The following FBXL15 variants were observed in gnomAD, a reference collection of about 807,000 sequenced individuals.
FBXL15 encodes F-box and leucine rich repeat protein 15.
FBXL15 carries 19 observed loss-of-function variants against 23.6 expected under a neutral mutation model. The ratio of observed to expected loss-of-function variants is 0.81; its 90% CI spans 0.56 to 1.18. FBXL15 has a LOEUF of 1.18. Ranked by LOEUF, FBXL15 falls within the 50% of genes most tolerant of loss-of-function variation. The pLI, the probability that FBXL15 is intolerant of heterozygous loss-of-function variation, is 0.00. For synonymous variants in FBXL15, 224 were observed against 207.7 expected (o/e 1.08, Z -0.67); for missense variants, 385 against 425.4 (o/e 0.91, Z 0.83).
Position 102,421,446 on chromosome 10 carries a change from G to A in FBXL15, c.146G>A (p.Arg49Gln). 6.5e-7 allele frequency: 1 copy of A among 1,540,550 alleles called. No homozygotes were observed. Among genetic ancestry groups the A allele is most frequent in the Non-Finnish European group, 8.7e-7 (1 of 1,145,764 alleles). ...RQLLRLQRVS[R>Q]AFRSLVQLHL... ...CTGCTCCGGCTGCAGCGCGTTAGCCGGGCCTTCCGGTCGCTGGTGCAGCTT... is the reference window on the plus strand; with the variant it reads ...CTGCTCCGGCTGCAGCGCGTTAGCCAGGCCTTCCGGTCGCTGGTGCAGCTT... The change falls in exon 2 of 4, where the codon CGG becomes CAG. Residue 49 changes from arginine (R) to glutamine (Q), a missense_variant. Coordinates refer to ENST00000369956, the MANE Select transcript of FBXL15 (RefSeq NM_024326.4).
At position 102,422,239 on chromosome 10, in the gene FBXL15, ACTC is replaced by A; in HGVS notation, c.662_664del (p.Leu221del). 2.0e-6 allele frequency: 3 copies of A among 1,512,856 alleles called. No individual in the cohort carries two copies. The highest frequency in any genetic ancestry group is 2.7e-6 in the Non-Finnish European group (3 of 1,130,250). 93.7% of individuals were successfully genotyped at this position (1,512,856 alleles called of 1,614,324 possible). On this transcript the variant is annotated inframe_deletion, in exon 3 of 4. Coordinates refer to ENST00000369956, the MANE Select transcript of FBXL15 (RefSeq NM_024326.4). ...AAGAGTTGGCTCGGAACTGCCCAGA[ACTC>A]CACCACCTTGACCTCACCGGCTGCC...
chr10:102,422,611 C>T (rs927046642), intron 3 of FBXL15, among the ~76,000 whole-genome samples, 193 bp from the exon 4 acceptor site: 2 of 152,222 alleles, frequency 1.3e-5, no homozygotes, highest in African/African-American at 4.8e-5. Context: ...GACAGGAAGT[C>T]TCCAGCTCAC....
Position 102,421,475 on chromosome 10 carries a change from C to T in FBXL15, c.175C>T (p.Leu59=), listed in dbSNP as rs925774076. The change falls in exon 2 of 4, where the codon CTG becomes TTG. Residue 59 remains leucine (L), a synonymous_variant. Transcript: ENST00000369956. ...RAFRSLVQLH[L]AGLRRFDAAQ... ...CTTCCGGTCGCTGGTGCAGCTTCAC[C>T]TGGCCGGGCTGCGTCGCTTCGATGC... 3.3e-6 allele frequency: 5 copies of T among 1,501,450 alleles called. No individual in the cohort carries two copies. In the African/African-American group the frequency reaches 7.0e-5, roughly 21 times the overall value. 93.0% of individuals were successfully genotyped at this position (1,501,450 alleles called of 1,614,324 possible).
At position 102,421,994 on chromosome 10, in the gene FBXL15, T is replaced by C. The variant is rs1173981703; in HGVS notation, c.415T>C (p.Cys139Arg). 1 of 1,594,674 alleles carries C rather than the reference T, an allele frequency of 6.3e-7. No homozygotes were observed. The highest frequency in any genetic ancestry group is 1.1e-5 in the South Asian group (1 of 90,016). The change falls in exon 3 of 4, where the codon TGC becomes CGC. Residue 139 changes from cysteine to arginine, a missense_variant. Coordinates refer to ENST00000369956, the MANE Select transcript of FBXL15 (RefSeq NM_024326.4). ...GGCGCTTGGGGCTTTGGCCGAGGGC[T>C]GCCCACGCCTGCAGCGCCTGTCGCT... ...RRALGALAEG[C>R]PRLQRLSLAH...
Position 102,421,384 on chromosome 10 carries a change from G to T in FBXL15, c.84G>T (p.Leu28=). The change falls in exon 2 of 4, where the codon CTG becomes CTT. Residue 28 remains leucine, a synonymous_variant. Transcript: ENST00000369956. The part of the protein sequence containing the change: ...RFLDLPWEDV[L]LPHVLNRVPL... Reference sequence around the variant, plus strand: ...TGGACCTGCCCTGGGAAGACGTGCTGCTCCCACACGTCCTGAACCGGGTCC... The same window carrying T: ...TGGACCTGCCCTGGGAAGACGTGCTTCTCCCACACGTCCTGAACCGGGTCC... 6.4e-7 allele frequency: 1 copy of T among 1,569,062 alleles called. No individual in the cohort carries two copies.
At position 102,423,061 on chromosome 10, in the gene FBXL15, G is replaced by T; in HGVS notation, c.*68G>T. The stretch of plus-strand genomic sequence containing the variant: ...CCTGACACTGAGCTGTAGGGAAACT[G>T]AACTGTGAGGACCTCTGGTGAGAGG... On this transcript the variant is annotated 3_prime_UTR_variant, in exon 4 of 4. Transcript: ENST00000369956. The surrounding 1 kb of genome is among the most constrained non-coding windows in gnomAD (Gnocchi z 5.6). 2.1e-6 allele frequency: 3 copies of T among 1,438,652 alleles called. No individual in the cohort carries two copies. The highest frequency in any genetic ancestry group is 1.4e-5 in the South Asian group (1 of 71,054). The allele number at this position is 1,438,652 out of a possible 1,614,324, so 89.1% of individuals were successfully genotyped here. A position where few individuals can be genotyped will look rare whatever the true frequency, so the allele number is the denominator to read the frequency against.
At chr10:102,421,722 AG>A in intron 2 of FBXL15, 64 bp from the exon 3 acceptor site, 7 of 1,499,656 alleles carry the variant, frequency 4.7e-6, no homozygotes, top group Non-Finnish European at 5.3e-6. Flanking sequence ...AACTCAGGTC[AG>A]GGGTGCATAG....
chr10:102,421,882 G>A lies in FBXL15; in HGVS notation c.303G>A (p.Leu101=), dbSNP rs758049473. 47 of 1,605,484 alleles carry A rather than the reference G, an allele frequency of 2.9e-5. No homozygotes were observed. Among genetic ancestry groups the A allele is most frequent in the Non-Finnish European group, 3.3e-5 (39 of 1,179,106 alleles). ...ELALAPCHEW[L]SDEDLVPVLA... Reference sequence around the variant, plus strand: ...CACTGGCGCCGTGTCACGAATGGCTGTCAGACGAGGACCTGGTGCCGGTGC... The same window carrying A: ...CACTGGCGCCGTGTCACGAATGGCTATCAGACGAGGACCTGGTGCCGGTGC... The change falls in exon 3 of 4, where the codon CTG becomes CTA. Residue 101 remains leucine, a synonymous_variant. Coordinates refer to ENST00000369956, the MANE Select transcript of FBXL15 (RefSeq NM_024326.4).
Position 102,422,119 on chromosome 10 carries a change from G to A in FBXL15, c.540G>A (p.Lys180=). The change falls in exon 3 of 4, where the codon AAG becomes AAA. Residue 180 remains lysine (K), a synonymous_variant. Transcript: ENST00000369956. The part of the protein sequence containing the change: ...ELDLTACRQL[K]DEAIVYLAQR... ...ATCTCACCGCCTGCCGCCAGCTCAA[G>A]GACGAGGCCATCGTGTACCTGGCGC... 1.1e-5 allele frequency: 17 copies of A among 1,561,588 alleles called. No homozygotes were observed. Among genetic ancestry groups the A allele is most frequent in the Non-Finnish European group, 1.4e-5 (16 of 1,154,306 alleles).
chr10:102,421,157 G>A lies in FBXL15; in HGVS notation c.28G>A (p.Gly10Arg), dbSNP rs1263406962. 3.1e-6 allele frequency: 5 copies of A among 1,611,386 alleles called. No individual in the cohort carries two copies. The highest frequency in any genetic ancestry group is 1.3e-5 in the African/African-American group (1 of 74,908). MEPPMEPSGGEQEPGAVRFL... is the reference protein window; with the variant it reads MEPPMEPSGREQEPGAVRFL... Reference sequence around the variant, plus strand: ...GGAGCCACCGATGGAGCCGTCCGGAGGGGAGCAAGAGCCCGGAGCCGTCAG... The same window carrying A: ...GGAGCCACCGATGGAGCCGTCCGGAAGGGAGCAAGAGCCCGGAGCCGTCAG... Residue 10 changes from glycine (G) to arginine (R), a missense_variant, in exon 1 of 4, where the codon GGG (glycine) becomes AGG (arginine). Coordinates refer to ENST00000369956, the MANE Select transcript of FBXL15 (RefSeq NM_024326.4).
chr10:102,423,039 G>T lies in FBXL15; in HGVS notation c.*46G>T. 1 of 1,485,106 alleles carries T rather than the reference G, an allele frequency of 6.7e-7. No individual in the cohort carries two copies. Among genetic ancestry groups the T allele is most frequent in the South Asian group, 1.3e-5 (1 of 74,666 alleles). The allele number at this position is 1,485,106 out of a possible 1,614,324, so 92.0% of individuals were successfully genotyped here. A position where few individuals can be genotyped will look rare whatever the true frequency, so the allele number is the denominator to read the frequency against. ...CAGCTGGACTGTGTGGCTGGGGCCTGACACTGAGCTGTAGGGAAACTGAAC... is the reference window on the plus strand; with the variant it reads ...CAGCTGGACTGTGTGGCTGGGGCCTTACACTGAGCTGTAGGGAAACTGAAC... On this transcript the variant is annotated 3_prime_UTR_variant, in exon 4 of 4. Coordinates refer to ENST00000369956, the MANE Select transcript of FBXL15 (RefSeq NM_024326.4). This position sits in a 1 kb window ranked among gnomAD's most constrained non-coding sequence, Gnocchi z 5.6.
At chr10:102,422,377 C>T in intron 3 of FBXL15, 85 bp downstream of exon 3, 1 of 1,382,680 alleles carries the variant, frequency 7.2e-7, no homozygotes, top group Non-Finnish European at 9.4e-7. Flanking sequence ...AAAGGCCGGA[C>T]TGAGGGTTCT....
rs2061555541 is a variant in FBXL15 at position 102,421,176 on chromosome 10, C to A, written c.47C>A (p.Ala16Asp). The change falls in exon 1 of 4, where the codon GCC (alanine) becomes GAC (aspartate). Residue 16 changes from alanine to aspartate, a missense_variant. By Grantham distance (126) the Ala-to-Asp change is moderately radical. Coordinates refer to ENST00000369956, the MANE Select transcript of FBXL15 (RefSeq NM_024326.4). ...EPSGGEQEPGAVRFLDLPWED... is the reference protein window; with the variant it reads ...EPSGGEQEPGDVRFLDLPWED... ...TCCGGAGGGGAGCAAGAGCCCGGAG[C>A]CGTCAGGTACCGAGCACCGGAGGGG... is the stretch of plus-strand genomic sequence containing the variant. 4.3e-6 allele frequency: 7 copies of A among 1,609,866 alleles called. No individual in the cohort carries two copies. Among genetic ancestry groups the A allele is most frequent in the African/African-American group, 1.3e-5 (1 of 74,878 alleles).
Position 102,421,073 on chromosome 10 carries a change from CG to C in FBXL15, c.-55del. 1.3e-6 allele frequency: 2 copies of C among 1,567,166 alleles called. No individual in the cohort carries two copies. Among genetic ancestry groups the C allele is most frequent in the Non-Finnish European group, 1.7e-6 (2 of 1,155,236 alleles). The stretch of plus-strand genomic sequence containing the variant: ...ACAGGCCAAGGAGGCGGGTTTGGTG[CG>C]GCCACTCCAAGGCCAAAGCGAGAAA... On this transcript the variant is annotated 5_prime_UTR_variant, in exon 1 of 4. Coordinates refer to ENST00000369956, the MANE Select transcript of FBXL15 (RefSeq NM_024326.4).
In FBXL15 at chr10:102,422,306, A is replaced by G; in HGVS notation, c.713+14A>G. 2.7e-6 allele frequency: 4 copies of G among 1,493,184 alleles called. No individual in the cohort carries two copies. Among genetic ancestry groups the G allele is most frequent in the South Asian group, 2.8e-5 (2 of 71,914 alleles). The allele number at this position is 1,493,184 out of a possible 1,614,324, so 92.5% of individuals were successfully genotyped here. On this transcript the variant is annotated intron_variant, in intron 3 of 3. Transcript: ENST00000369956. ...CGACGGTGTCAGGTGCCTGGGCCTG[A>G]TAGGGCGGGAGGAGGGCAGTCACTT... is the stretch of plus-strand genomic sequence containing the variant.
chr10:102,422,718 G>A (rs112459679), intron 3 of FBXL15, 86 bp from the exon 4 acceptor site: 1 of 1,410,986 alleles, frequency 7.1e-7, no homozygotes, highest in Non-Finnish European at 9.5e-7. Flanking sequence ...GAGCCAGTCC[G>A]AGGCTGAGTG....
Position 102,421,143 on chromosome 10 carries a change from T to A in FBXL15, c.14T>A (p.Met5Lys), listed in dbSNP as rs774387564. The change falls in exon 1 of 4, where the codon ATG becomes AAG. Residue 5 changes from methionine to lysine, a missense_variant. This residue lies in a region of FBXL15 where 130 missense variants were observed against 95.1 expected (regional missense o/e 1.37). Transcript: ENST00000369956. MEPP[M>K]EPSGGEQEPG... ...AATAGACAGCCGATGGAGCCACCGA[T>A]GGAGCCGTCCGGAGGGGAGCAAGAG... 6.2e-7 allele frequency: 1 copy of A among 1,611,082 alleles called. No individual in the cohort carries two copies. Among genetic ancestry groups the A allele is most frequent in the South Asian group, 1.1e-5 (1 of 90,452 alleles).
chr10:102,421,965 G>T lies in FBXL15; in HGVS notation c.386G>T (p.Arg129Leu). ...VALGGCGQLS[R>L]RALGALAEGC... is the part of the protein sequence containing the mutation. Reference sequence around the variant, plus strand: ...TTGGGCGGCTGCGGGCAACTGAGTCGCCGGGCGCTTGGGGCTTTGGCCGAG... The same window carrying T: ...TTGGGCGGCTGCGGGCAACTGAGTCTCCGGGCGCTTGGGGCTTTGGCCGAG... Residue 129 changes from arginine (R) to leucine (L), a missense_variant, in exon 3 of 4, where the codon CGC becomes CTC. Arg to Leu is a moderately radical substitution (Grantham distance 102). This residue lies in a region of FBXL15 where 255 missense variants were observed against 330.2 expected (regional missense o/e 0.77). Transcript: ENST00000369956. 6.3e-7 allele frequency: 1 copy of T among 1,598,764 alleles called. No individual in the cohort carries two copies. Among genetic ancestry groups the T allele is most frequent in the Non-Finnish European group, 8.5e-7 (1 of 1,177,998 alleles).
rs757757437 is a variant in FBXL15, at chr10:102,421,460, C to T, written c.160C>T (p.Leu54=). The change falls in exon 2 of 4, where the codon CTG becomes TTG. Residue 54 remains leucine (L), a synonymous_variant. Transcript: ENST00000369956. ...LQRVSRAFRS[L]VQLHLAGLRR... Reference sequence around the variant, plus strand: ...GCGCGTTAGCCGGGCCTTCCGGTCGCTGGTGCAGCTTCACCTGGCCGGGCT... The same window carrying T: ...GCGCGTTAGCCGGGCCTTCCGGTCGTTGGTGCAGCTTCACCTGGCCGGGCT... 9.2e-6 allele frequency: 14 copies of T among 1,524,014 alleles called. No individual in the cohort carries two copies. Among genetic ancestry groups the T allele is most frequent in the African/African-American group, 8.3e-5 (6 of 72,446 alleles). 94.4% of individuals were successfully genotyped at this position (1,524,014 alleles called of 1,614,324 possible).
Sources: allele counts gnomAD v4.1 joint callset (sites outside exome capture counted in the v4.1 genomes callset), GRCh38; gene constraint gnomAD v4.1.1; regional missense constraint gnomAD v4.1.1; non-coding constraint Gnocchi (gnomAD v3.1); transcripts MANE v1.5; gene names NCBI Gene and HGNC (gene_info 2026-07-23, HGNC 2026-07-21).